Variants in GULP1 observed in about 807,000 individuals in gnomAD.
The protein encoded by GULP1 is GULP PTB domain containing engulfment adaptor 1.
GULP1 carries 19 observed loss-of-function variants against 40.9 expected under a neutral mutation model. That is an observed-to-expected ratio of 0.46 (90% CI 0.32 to 0.68). The LOEUF (loss-of-function observed/expected upper bound fraction) is 0.68. Among genes scored for constraint, GULP1 ranks in the 30% least tolerant of loss-of-function variants. The probability of loss-of-function intolerance (pLI) is 0.03; values close to 1 mark genes in which losing one functional copy is unlikely to be tolerated. For missense variants in GULP1, 312 were observed against 362.2 expected (o/e 0.86, Z 1.12); for synonymous variants, 119 against 117.6 (o/e 1.01, Z -0.08).
At chr2:188,341,561 GAA>G (rs1374067512) in intron 1 of GULP1, among the ~76,000 whole-genome samples, 1 of 152,016 alleles carries the variant, frequency 6.6e-6, no homozygotes, top group Non-Finnish European at 1.5e-5. Flanking sequence ...GCCTGCTGGA[GAA>G]AAAAGACTAG....
At chr2:188,535,114 G>T (rs1191039225) in intron 6 of GULP1, among the ~76,000 whole-genome samples, 1 of 150,796 alleles carries the variant, frequency 6.6e-6, no homozygotes, top group Non-Finnish European at 1.5e-5. Context: ...TAAATTAATA[G>T]TAAATTACTA....
chr2:188,320,526 G>A (rs555807864), intron 1 of GULP1, among the ~76,000 whole-genome samples: 160 of 152,128 alleles, frequency 1.1e-3, no homozygotes, highest in Non-Finnish European at 1.8e-3. Context: ...CCTGACAAAA[G>A]TTTATACAGC....
chr2:188,309,936 A>G (rs978002835), intron 1 of GULP1, among the ~76,000 whole-genome samples: 1 of 152,240 alleles, frequency 6.6e-6, no homozygotes, highest in Admixed American at 6.5e-5. Flanking sequence ...TATAAGCTTA[A>G]TCTGCCTTCT....
intron 10 of GULP1, 107 bp from the exon 11 acceptor site, chr2:188,587,747 CT>C: frequency 1.5e-6 from 1 of 664,168 alleles, no homozygotes; most frequent in Non-Finnish European, 2.7e-6. Flanking sequence ...GGGTTAGTGG[CT>C]TATTTGATCA....
At chr2:188,590,756 T>C (rs1204134901) in intron 11 of GULP1, 1 of 152,168 alleles carries the variant, frequency 6.6e-6, no homozygotes, top group African/African-American at 2.4e-5. Context: ...GCCCACACTG[T>C]AACATGTGAG....
intron 2 of GULP1, among the ~76,000 whole-genome samples, chr2:188,405,640 A>T (rs1037710271): frequency 2.0e-5 from 3 of 152,208 alleles, no homozygotes; most frequent in African/African-American, 7.2e-5. Context: ...TAACAGCTCC[A>T]TGCCAGTGGA....
chr2:188,537,101 C>T (rs184682178), intron 6 of GULP1, among the ~76,000 whole-genome samples: 52 of 151,876 alleles, frequency 3.4e-4, no homozygotes, highest in African/African-American at 1.2e-3. Flanking sequence ...TCTTTAGGAT[C>T]TTCTAGGTAG....
At chr2:188,408,538 G>T (rs1187734777) in intron 2 of GULP1, among the ~76,000 whole-genome samples, 7 of 152,148 alleles carry the variant, frequency 4.6e-5, no homozygotes, top group African/African-American at 1.7e-4. Context: ...TAATAGACCT[G>T]AAGAGAGAGA....
chr2:188,554,896 A>G (rs975320270), intron 7 of GULP1, among the ~76,000 whole-genome samples: 2 of 152,070 alleles, frequency 1.3e-5, no homozygotes, highest in Admixed American at 6.6e-5. Context: ...TCATTATATA[A>G]TGACCTTTTC....
Position 188,424,951 on chromosome 2 carries a change from C to T in GULP1, c.-45+41062C>T, listed in dbSNP as rs10177217. On this transcript the variant is annotated intron_variant, in intron 2 of 11. Transcript: ENST00000409830. The stretch of plus-strand genomic sequence containing the variant: ...AGAATCATGTCTGATTTTCTTTTGG[C>T]AAGTCTATTTCATAGTGGTAATGTG... Among the ~76,000 whole-genome samples the T allele has an allele frequency of 5.3e-3, 800 of 152,040 alleles. 6 individuals are homozygous for T. The highest frequency in any genetic ancestry group is 0.019 in the African/African-American group (769 of 41,536).
At chr2:188,569,657 C>T in intron 8 of GULP1, 1 of 382,634 alleles carries the variant, frequency 2.6e-6, no homozygotes, top group Non-Finnish European at 4.7e-6. Context: ...AGTGGTTTTC[C>T]ATGCAGATCA....
At chr2:188,544,894 T>G (rs1380185030) in intron 7 of GULP1, among the ~76,000 whole-genome samples, 1 of 151,992 alleles carries the variant, frequency 6.6e-6, no homozygotes, top group Non-Finnish European at 1.5e-5. Flanking sequence ...CTGAGTGATC[T>G]CCAAACAGGA....
At chr2:188,344,827 T>C (rs1434151078) in intron 1 of GULP1, among the ~76,000 whole-genome samples, 2 of 152,142 alleles carry the variant, frequency 1.3e-5, no homozygotes, top group East Asian at 3.9e-4. Context: ...CACATACCTA[T>C]GTACACACAG....
intron 1 of GULP1, among the ~76,000 whole-genome samples, chr2:188,332,312 C>A (rs2041710243): frequency 6.6e-6 from 1 of 151,462 alleles, no homozygotes; most frequent in Non-Finnish European, 1.5e-5. Flanking sequence ...GCCTCAGCCT[C>A]CCGAGTAGCT....
chr2:188,343,224 C>G (rs1269920398), intron 1 of GULP1, among the ~76,000 whole-genome samples: 2 of 151,770 alleles, frequency 1.3e-5, no homozygotes, highest in African/African-American at 4.8e-5. Context: ...CCTGTTGATT[C>G]TTAATAGCCT....
At chr2:188,358,209 A>T (rs2045615484) in intron 1 of GULP1, among the ~76,000 whole-genome samples, 1 of 152,050 alleles carries the variant, frequency 6.6e-6, no homozygotes, top group African/African-American at 2.4e-5. Flanking sequence ...CAACAACAAC[A>T]ATTCTTGTCA....
intron 1 of GULP1, among the ~76,000 whole-genome samples, chr2:188,361,248 C>T (rs1241421117): frequency 1.3e-5 from 2 of 152,012 alleles, no homozygotes; most frequent in South Asian, 2.1e-4. Context: ...CTGATGCCTG[C>T]TTCTGATCTC....
chr2:188,441,495 T>C (rs1183601688), intron 2 of GULP1, among the ~76,000 whole-genome samples: 1 of 152,286 alleles, frequency 6.6e-6, no homozygotes, highest in East Asian at 1.9e-4. Context: ...GTGCTAGGAC[T>C]CTTATCAACC....
intron 10 of GULP1, among the ~76,000 whole-genome samples, chr2:188,585,392 C>T (rs1468866915): frequency 6.6e-6 from 1 of 152,188 alleles, no homozygotes; most frequent in Non-Finnish European, 1.5e-5. Flanking sequence ...GGCTTTAACC[C>T]TACATTTCTC....
Sources: gnomAD v4.1 joint callset for allele counts (sites outside exome capture counted in the v4.1 genomes callset) on GRCh38, gnomAD v4.1.1 for gene constraint, MANE v1.5 for transcripts, NCBI Gene and HGNC (gene_info 2026-07-23, HGNC 2026-07-21) for gene names.